Variants in PID1 observed in about 807,000 individuals in gnomAD.
The protein encoded by PID1 is PTB-containing, cubilin and LRP1-interacting protein.
In PID1, 10 loss-of-function variants were observed where a neutral mutation model predicts 19.1. The observed-to-expected ratio is 0.52, with a 90% confidence interval of 0.32 to 0.89. The LOEUF (loss-of-function observed/expected upper bound fraction) is 0.89, where lower values mean the gene tolerates loss of function less well. Ranked by LOEUF, PID1 falls within the 40% of genes least tolerant of loss-of-function variation. PID1 has a pLI of 0.03. For synonymous variants in PID1, 130 were observed against 116.0 expected, an observed-to-expected ratio of 1.12 and a Z score of -0.78; for missense variants, 248 against 285.3, an observed-to-expected ratio of 0.87 and a Z score of 0.94.
intron 1 of PID1, among the ~76,000 whole-genome samples, chr2:229,211,675 C>T (rs1467169044): frequency 6.6e-6 from 1 of 152,188 alleles, no homozygotes; most frequent in Non-Finnish European, 1.5e-5. Flanking sequence ...GATGCATGGG[C>T]TTTGTGGCAG....
chr2:229,093,692 A>G (rs980197947), intron 2 of PID1, among the ~76,000 whole-genome samples: 1 of 152,214 alleles, frequency 6.6e-6, no homozygotes, highest in Admixed American at 6.5e-5. Flanking sequence ...CTTTAAAAGA[A>G]AAAAATCATA....
Position 229,121,976 on chromosome 2 carries a change from GAGA to G in PID1, c.177+33839_177+33841del, listed in dbSNP as rs1246020569. 5.9e-5 allele frequency among the ~76,000 whole-genome samples: 9 copies of G among 152,268 alleles called. No individual in the cohort carries two copies. In the South Asian group the frequency reaches 1.4e-3, roughly 25 times the overall value. ...CCTGTGGCTTTTGACAGGGTGATCA[GAGA>G]AGAAGTCTGCGAAAAAAGTCTCATT... is the stretch of plus-strand genomic sequence containing the variant. On this transcript the variant is annotated intron_variant, in intron 2 of 2. Transcript: ENST00000392055.
chr2:229,238,334 T>C (rs1308396366), intron 1 of PID1, among the ~76,000 whole-genome samples: 1 of 152,180 alleles, frequency 6.6e-6, no homozygotes, highest in Non-Finnish European at 1.5e-5. Flanking sequence ...ATTCGCAGTT[T>C]AAAATGCCAA....
chr2:229,154,588 A>C (rs1482468841), intron 2 of PID1, among the ~76,000 whole-genome samples: 1 of 152,152 alleles, frequency 6.6e-6, no homozygotes, highest in Non-Finnish European at 1.5e-5. Context: ...ATGAATGTGG[A>C]TGAGGTTTTG....
At chr2:229,222,846 A>C (rs1574735673) in intron 1 of PID1, among the ~76,000 whole-genome samples, 1 of 144,318 alleles carries the variant, frequency 6.9e-6, no homozygotes, top group Non-Finnish European at 1.5e-5. Context: ...CTAATTTTAA[A>C]AAGTCTCTTC....
intron 1 of PID1, among the ~76,000 whole-genome samples, chr2:229,180,338 T>A (rs957055612): frequency 6.6e-6 from 1 of 152,176 alleles, no homozygotes; most frequent in Non-Finnish European, 1.5e-5. Flanking sequence ...TGTATGCGCA[T>A]AGAAGACATT....
chr2:229,248,431 G>C (rs1690058575), intron 1 of PID1, among the ~76,000 whole-genome samples: 2 of 152,166 alleles, frequency 1.3e-5, no homozygotes, highest in African/African-American at 4.8e-5. Flanking sequence ...TTGATTCTTT[G>C]TCTAAGTTAA....
chr2:229,071,808 G>C (rs542380272), intron 2 of PID1, among the ~76,000 whole-genome samples: 1 of 152,140 alleles, frequency 6.6e-6, no homozygotes, highest in Non-Finnish European at 1.5e-5. Flanking sequence ...TGGTGTAAAA[G>C]ATATTATGGT....
At chr2:229,067,630 C>T (rs1050809477) in intron 2 of PID1, among the ~76,000 whole-genome samples, 1 of 152,146 alleles carries the variant, frequency 6.6e-6, no homozygotes, top group Admixed American at 6.5e-5. Context: ...CTCTGCCCTG[C>T]CCATTACCAA....
chr2:229,142,751 C>T (rs1039361588), intron 2 of PID1, among the ~76,000 whole-genome samples: 1 of 152,170 alleles, frequency 6.6e-6, no homozygotes, highest in African/African-American at 2.4e-5. Flanking sequence ...GTTGGTGGGA[C>T]TGTAAACTAG....
intron 1 of PID1, among the ~76,000 whole-genome samples, chr2:229,222,975 A>C (rs1183387096): frequency 6.6e-6 from 1 of 152,008 alleles, no homozygotes; most frequent in Admixed American, 6.6e-5. Flanking sequence ...ACTTCCTGTT[A>C]TGAGACCTTT....
chr2:229,036,755 C>A (rs1022371772), intron 2 of PID1, among the ~76,000 whole-genome samples: 2 of 152,030 alleles, frequency 1.3e-5, no homozygotes, highest in Non-Finnish European at 2.9e-5. Flanking sequence ...CTCAAAAAAA[C>A]AAAACACAAC....
intron 2 of PID1, among the ~76,000 whole-genome samples, chr2:229,050,915 T>A (rs1693983696): frequency 6.6e-6 from 1 of 152,236 alleles, no homozygotes; most frequent in South Asian, 2.1e-4. Context: ...TATCTCCTAA[T>A]ATTTTCTATG....
At chr2:229,046,410 G>C (rs1454033644) in intron 2 of PID1, among the ~76,000 whole-genome samples, 2 of 150,958 alleles carry the variant, frequency 1.3e-5, no homozygotes, top group African/African-American at 4.9e-5. Context: ...GTCAGGAGGG[G>C]GGGAACCAAA....
intron 1 of PID1, among the ~76,000 whole-genome samples, chr2:229,260,271 G>C (rs1014691144): frequency 4.6e-5 from 7 of 151,748 alleles, no homozygotes; most frequent in African/African-American, 1.7e-4. Context: ...ATTATTTATA[G>C]GGAAAAAAAA....
intron 2 of PID1, among the ~76,000 whole-genome samples, chr2:229,148,797 AG>A (rs571411495): frequency 6.6e-6 from 1 of 151,918 alleles, no homozygotes; most frequent in Non-Finnish European, 1.5e-5. Flanking sequence ...GGAGAGAGAG[AG>A]GAAAAATATT....
intron 2 of PID1, among the ~76,000 whole-genome samples, chr2:229,118,546 T>A (rs1343176502): frequency 6.6e-6 from 1 of 152,176 alleles, no homozygotes; most frequent in Non-Finnish European, 1.5e-5. Flanking sequence ...AAGACAGTCC[T>A]GCTGATCCCG....
chr2:229,105,220 T>C (rs746619913), intron 2 of PID1, among the ~76,000 whole-genome samples: 5 of 152,180 alleles, frequency 3.3e-5, no homozygotes, highest in Non-Finnish European at 5.9e-5. Flanking sequence ...GCCAGGGAGA[T>C]TGGGGGCACT....
chr2:229,142,282 C>T (rs1374324597), intron 2 of PID1, among the ~76,000 whole-genome samples: 3 of 151,968 alleles, frequency 2.0e-5, no homozygotes, highest in Non-Finnish European at 2.9e-5. Flanking sequence ...AATAAAGATA[C>T]AAGAAAGGAA....
Sources: allele counts gnomAD v4.1 joint callset (sites outside exome capture counted in the v4.1 genomes callset), GRCh38; gene constraint gnomAD v4.1.1; transcripts MANE v1.5; gene names NCBI Gene and HGNC (gene_info 2026-07-23, HGNC 2026-07-21).